FRMD4B: variants seen among roughly 807,000 people sequenced by gnomAD.
FRMD4B encodes FERM domain-containing protein 4B.
Under a neutral mutation model 141.5 loss-of-function variants are expected in FRMD4B, and 74 were observed. The ratio of observed to expected loss-of-function variants is 0.52; its 90% confidence interval spans 0.43 to 0.63. The LOEUF is 0.63. Ranked by LOEUF, FRMD4B falls within the 30% of genes least tolerant of loss-of-function variation. The pLI, the probability that FRMD4B is intolerant of heterozygous loss-of-function variation, is 0.00. For synonymous variants in FRMD4B, 506 were observed against 467.9 expected (o/e 1.08, Z -1.05); for missense variants, 1,366 against 1,253.4 (o/e 1.09, Z -1.36).
At chr3:69,537,404 A>G (rs1486043617) in intron 1 of FRMD4B, among the ~76,000 whole-genome samples, 1 of 152,240 alleles carries the variant, frequency 6.6e-6, no homozygotes, top group African/African-American at 2.4e-5. Flanking sequence ...CATTTGCCCT[A>G]GGCTTTAAGG....
intron 7 of FRMD4B, among the ~76,000 whole-genome samples, chr3:69,232,861 TAA>T (rs961723641): frequency 2.1e-5 from 3 of 141,938 alleles, no homozygotes; most frequent in African/African-American, 7.7e-5. Context: ...TAGAACAGCT[TAA>T]AAAAAAAAAA....
At chr3:69,452,870 T>A (rs4855409) in intron 1 of FRMD4B, among the ~76,000 whole-genome samples, 1 of 151,866 alleles carries the variant, frequency 6.6e-6, no homozygotes, top group Non-Finnish European at 1.5e-5. Flanking sequence ...GAAAGAAAAA[T>A]AGAATAAGTT....
chr3:69,529,543 A>G (rs1700983332), intron 1 of FRMD4B, among the ~76,000 whole-genome samples: 1 of 152,070 alleles, frequency 6.6e-6, no homozygotes, highest in Non-Finnish European at 1.5e-5. Flanking sequence ...TGCTGCCCAC[A>G]CTGCCCACTC....
intron 11 of FRMD4B, chr3:69,200,997 C>A: frequency 2.9e-6 from 1 of 341,752 alleles, no homozygotes. Flanking sequence ...TTCAGCCTGT[C>A]CCTGCATTGA....
At chr3:69,176,073 C>T (rs2092642314) in intron 22 of FRMD4B, among the ~76,000 whole-genome samples, 1 of 152,134 alleles carries the variant, frequency 6.6e-6, no homozygotes, top group African/African-American at 2.4e-5. Context: ...AGCCACCGTG[C>T]CCGGCAGCAA....
intron 19 of FRMD4B, among the ~76,000 whole-genome samples, chr3:69,186,690 C>G (rs540335671): frequency 1.3e-5 from 2 of 152,100 alleles, no homozygotes; most frequent in Non-Finnish European, 2.9e-5. Flanking sequence ...CCAGCCTGAG[C>G]GACAGAAAGA....
chr3:69,538,573 G>A (rs377101422), intron 1 of FRMD4B, among the ~76,000 whole-genome samples: 2 of 152,126 alleles, frequency 1.3e-5, no homozygotes, highest in African/African-American at 4.8e-5. Context: ...ATTACTGGTA[G>A]TAACCCACTA....
chr3:69,254,214 C>T (rs913455203), intron 5 of FRMD4B, among the ~76,000 whole-genome samples: 10 of 152,072 alleles, frequency 6.6e-5, no homozygotes, highest in Non-Finnish European at 1.5e-4. Context: ...AAGCGATTCT[C>T]CTGCCTCAGC....
intron 8 of FRMD4B, among the ~76,000 whole-genome samples, chr3:69,222,728 G>A (rs571019575): frequency 7.9e-5 from 12 of 152,252 alleles, no homozygotes; most frequent in Middle Eastern, 3.4e-3. Context: ...CCGAGCTTGC[G>A]CCATTGCACT....
intron 1 of FRMD4B, among the ~76,000 whole-genome samples, chr3:69,375,520 T>A (rs1225502203): frequency 1.3e-5 from 2 of 152,142 alleles, no homozygotes; most frequent in African/African-American, 4.8e-5. Flanking sequence ...ACATAACCAG[T>A]AAAAGGTGAG....
At chr3:69,264,406 T>C (rs1052873802) in intron 5 of FRMD4B, among the ~76,000 whole-genome samples, 123 of 149,868 alleles carry the variant, frequency 8.2e-4, no homozygotes, top group African/African-American at 3.0e-3. Context: ...AAGTAAAAAG[T>C]TGGTGGGGGT....
upstream of FRMD4B, among the ~76,000 whole-genome samples, chr3:69,389,404 T>C (rs1704335207): frequency 6.6e-6 from 1 of 152,182 alleles, no homozygotes; most frequent in Admixed American, 6.5e-5. Context: ...GTTACCTACA[T>C]GTGCTTTCCT....
chr3:69,540,196 G>A (rs1424534916), intron 1 of FRMD4B, among the ~76,000 whole-genome samples: 3 of 142,146 alleles, frequency 2.1e-5, no homozygotes, highest in Non-Finnish European at 4.6e-5. Flanking sequence ...GAAAAAAAAA[G>A]GAAGAATTGT....
chr3:69,414,311 G>A (rs1349774936), intron 2 of FRMD4B, among the ~76,000 whole-genome samples: 2 of 152,138 alleles, frequency 1.3e-5, no homozygotes, highest in East Asian at 3.9e-4. Context: ...CCGTCAAGCA[G>A]ATGAGTAGCA....
intron 16 of FRMD4B, among the ~76,000 whole-genome samples, chr3:69,194,120 G>C (rs1049813380): frequency 6.6e-6 from 1 of 152,162 alleles, no homozygotes; most frequent in African/African-American, 2.4e-5. Flanking sequence ...CATTCAGTTG[G>C]TTGGGAGAAG....
chr3:69,407,285 A>C (rs1704664723), intron 2 of FRMD4B, among the ~76,000 whole-genome samples: 1 of 152,200 alleles, frequency 6.6e-6, no homozygotes, highest in Non-Finnish European at 1.5e-5. Flanking sequence ...GAAATAATGT[A>C]ATGTAAGTGA....
intron 2 of FRMD4B, 121 bp from the exon 3 acceptor site, chr3:69,311,478 G>C (rs1701585325): frequency 1.7e-6 from 1 of 594,694 alleles, no homozygotes; most frequent in Non-Finnish European, 3.1e-6. Context: ...TTTATTACTT[G>C]CCCTTGTTTG....
chr3:69,197,186 G>C (rs1382029110), intron 12 of FRMD4B, 148 bp from the exon 13 acceptor site: 1 of 547,550 alleles, frequency 1.8e-6, no homozygotes, highest in Non-Finnish European at 3.2e-6. Flanking sequence ...CCAAGTTTCT[G>C]ATTTTCTCCT....
In FRMD4B at chr3:69,250,031, G is replaced by T. The variant is rs1271697991; in HGVS notation, c.558+12C>A. On this transcript the variant is annotated intron_variant, in intron 6 of 22. Transcript: ENST00000398540. ...CAAGGGAGCTGCTAAGAGGCAGTTT[G>T]TCCAATCTTACCTGTAAAATAAACG... 1.9e-6 allele frequency: 3 copies of T among 1,580,778 alleles called. No individual in the cohort carries two copies. The highest frequency in any genetic ancestry group is 1.3e-5 in the African/African-American group (1 of 74,286).
Sources: allele counts gnomAD v4.1 joint callset (sites outside exome capture counted in the v4.1 genomes callset), GRCh38; gene constraint gnomAD v4.1.1; transcripts MANE v1.5; gene names NCBI Gene and HGNC (gene_info 2026-07-23, HGNC 2026-07-21).